Variants in TDRD3 observed in about 807,000 individuals in gnomAD.
TDRD3 encodes the protein tudor domain containing 3, also known as tudor domain-containing protein 3.
A neutral mutation model predicts 86.7 loss-of-function variants in TDRD3; 45 were observed. That is an observed-to-expected ratio of 0.52 (90% CI 0.41 to 0.67). TDRD3 has a LOEUF of 0.67. TDRD3 is among the 30% of genes least tolerant of loss of function. The probability of loss-of-function intolerance (pLI) is 0.00; values close to 1 mark genes in which losing one functional copy is unlikely to be tolerated. For missense variants in TDRD3, 814 were observed against 889.0 expected, an observed-to-expected ratio of 0.92 and a Z score of 1.07; for synonymous variants, 298 against 301.7, an observed-to-expected ratio of 0.99 and a Z score of 0.13.
At chr13:60,403,324 A>T (rs2137799982) in intron 1 of TDRD3, among the ~76,000 whole-genome samples, 1 of 152,332 alleles carries the variant, frequency 6.6e-6, no homozygotes, top group East Asian at 1.9e-4. Context: ...AAGAACCATA[A>T]AAATATGACT....
At chr13:60,398,454 A>C (rs1025366174) in intron 1 of TDRD3, among the ~76,000 whole-genome samples, 27 of 152,220 alleles carry the variant, frequency 1.8e-4, no homozygotes, top group Non-Finnish European at 1.5e-4. Context: ...GAGATGACAC[A>C]GGGAAGCGCT....
chr13:60,541,111 A>G (rs1278405398), intron 12 of TDRD3, among the ~76,000 whole-genome samples: 1 of 152,084 alleles, frequency 6.6e-6, no homozygotes, highest in Non-Finnish European at 1.5e-5. Context: ...TAGCATAACT[A>G]TTTGAAAAAT....
intron 4 of TDRD3, among the ~76,000 whole-genome samples, chr13:60,466,087 T>C (rs1016223995): frequency 3.9e-5 from 6 of 152,194 alleles, no homozygotes; most frequent in African/African-American, 1.4e-4. Flanking sequence ...TTAAAGTTAG[T>C]ATATAAATAG....
At chr13:60,520,134 A>G (rs2137719771) in intron 10 of TDRD3, among the ~76,000 whole-genome samples, 1 of 152,316 alleles carries the variant, frequency 6.6e-6, no homozygotes, top group Non-Finnish European at 1.5e-5. Flanking sequence ...TTTTGAGCTT[A>G]GTCTTCAATT....
intron 1 of TDRD3, among the ~76,000 whole-genome samples, chr13:60,400,168 G>C (rs1223201432): frequency 6.6e-6 from 1 of 152,162 alleles, no homozygotes; most frequent in East Asian, 1.9e-4. Flanking sequence ...TATATGCATG[G>C]AATAACTTCA....
intron 1 of TDRD3, among the ~76,000 whole-genome samples, chr13:60,425,151 T>A (rs569861562): frequency 2.9e-4 from 44 of 152,318 alleles, no homozygotes; most frequent in African/African-American, 8.4e-4. Context: ...AGAGAAGTCA[T>A]CTTTGAAACA....
intron 3 of TDRD3, among the ~76,000 whole-genome samples, chr13:60,454,632 C>T (rs978020045): frequency 6.6e-6 from 1 of 151,904 alleles, no homozygotes; most frequent in African/African-American, 2.4e-5. Context: ...TAACTTTGCC[C>T]CTTGGCCACC....
At chr13:60,428,823 A>C (rs1954878725) in intron 1 of TDRD3, among the ~76,000 whole-genome samples, 1 of 152,134 alleles carries the variant, frequency 6.6e-6, no homozygotes, top group African/African-American at 2.4e-5. Context: ...GACCAGTGGT[A>C]ATTTTCTTCT....
chr13:60,528,305 A>G (rs1301009639), intron 10 of TDRD3, 62 bp from the exon 11 acceptor site: 1 of 1,469,746 alleles, frequency 6.8e-7, no homozygotes, highest in Admixed American at 2.3e-5. Flanking sequence ...AAAGCATTTT[A>G]AAATAATTAT....
chr13:60,520,025 A>T (rs1035811191), intron 10 of TDRD3, among the ~76,000 whole-genome samples: 11 of 152,140 alleles, frequency 7.2e-5, no homozygotes, highest in Admixed American at 7.2e-4. Flanking sequence ...GCTTTATGCT[A>T]ACTTTTTAAA....
At chr13:60,545,882 C>T (rs1957928811) in intron 12 of TDRD3, among the ~76,000 whole-genome samples, 1 of 151,858 alleles carries the variant, frequency 6.6e-6, no homozygotes, top group South Asian at 2.1e-4. Context: ...TTTTGTTCTT[C>T]CTCTGTTTCT....
intron 13 of TDRD3, among the ~76,000 whole-genome samples, chr13:60,572,137 A>C (rs1053364507): frequency 6.6e-6 from 1 of 152,166 alleles, no homozygotes; most frequent in African/African-American, 2.4e-5. Flanking sequence ...GCCCTTAGAC[A>C]TGAAGTTTAA....
chr13:60,431,816 G>C (rs576031202), intron 1 of TDRD3, among the ~76,000 whole-genome samples: 1 of 151,062 alleles, frequency 6.6e-6, no homozygotes, highest in South Asian at 2.1e-4. Context: ...TGATTAATGA[G>C]TAAAATAAAT....
chr13:60,487,225 G>A (rs1431529687), intron 7 of TDRD3, among the ~76,000 whole-genome samples: 1 of 152,184 alleles, frequency 6.6e-6, no homozygotes, highest in Non-Finnish European at 1.5e-5. Context: ...GCCAGGTGCA[G>A]TGGCTCATGC....
chr13:60,561,498 A>G (rs11841782), intron 12 of TDRD3, among the ~76,000 whole-genome samples: 42,962 of 152,126 alleles, frequency 0.28, 6,250 homozygotes, highest in South Asian at 0.34. Context: ...GCTCACAAAT[A>G]TGTAAAAACA....
intron 5 of TDRD3, among the ~76,000 whole-genome samples, chr13:60,482,076 GA>G (rs1340223873): frequency 6.6e-6 from 1 of 152,132 alleles, no homozygotes; most frequent in Non-Finnish European, 1.5e-5. Flanking sequence ...TACCCTTTAT[GA>G]GTTCTGGGAA....
chr13:60,397,321 A>AAAACCCC lies in TDRD3; in HGVS notation c.-44_-43insAAACCCC. ...GTCTCAAGTAGGAGGCCTCCCCATCACCCCCACCCCAGCCCCCCACCACCC... is the reference window on the plus strand; with the variant it reads ...GTCTCAAGTAGGAGGCCTCCCCATCAAAACCCCCCCCCACCCCAGCCCCCCACCACCC... On this transcript the variant is annotated 5_prime_UTR_variant, in exon 1 of 14. The change abolishes the stop of an existing upstream ORF in the 5' untranslated region. Transcript: ENST00000377881. 1.8e-6 allele frequency: 2 copies of AAAACCCC among 1,113,172 alleles called. No homozygotes were observed. Among genetic ancestry groups the AAAACCCC allele is most frequent in the Non-Finnish European group, 2.4e-6 (2 of 829,458 alleles). The allele number at this position is 1,113,172 out of a possible 1,614,324, so 69.0% of individuals were successfully genotyped here. A position where few individuals can be genotyped will look rare whatever the true frequency, so the allele number is the denominator to read the frequency against.
rs183703256 is a variant in TDRD3 at position 60,541,596 on chromosome 13, G to A, written c.2118+6363G>A. 3.1e-3 allele frequency among the ~76,000 whole-genome samples: 463 copies of A among 151,114 alleles called. 5 individuals are homozygous for A. Among genetic ancestry groups the A allele is most frequent in the Middle Eastern group, 0.014 (4 of 284 alleles). ...ATGGACTTCTGAATATATGGCATTG[G>A]TTAATTAAGAAGTATATTTATGATA... is the stretch of plus-strand genomic sequence containing the variant. On this transcript the variant is annotated intron_variant, in intron 12 of 13. Transcript: ENST00000377881.
intron 3 of TDRD3, 85 bp downstream of exon 3, chr13:60,444,833 A>G: frequency 6.5e-6 from 5 of 773,392 alleles, no homozygotes; most frequent in Non-Finnish European, 9.6e-6. Flanking sequence ...TTTTGTCAAT[A>G]AAGACTGCAA....
Sources: gnomAD v4.1 joint callset for allele counts (sites outside exome capture counted in the v4.1 genomes callset) on GRCh38, gnomAD v4.1.1 for gene constraint, MANE v1.5 for transcripts, NCBI Gene and HGNC (gene_info 2026-07-23, HGNC 2026-07-21) for gene names.